RAB7A: variants seen among roughly 807,000 people sequenced by gnomAD.
The protein encoded by RAB7A is RAB7A, member RAS oncogene family, also known as ras-related protein Rab-7a.
RAB7A carries 2 observed loss-of-function variants against 24.5 expected under a neutral mutation model. The observed-to-expected ratio is 0.08, with a 90% CI of 0.03 to 0.26. RAB7A has a LOEUF of 0.26. Among genes scored for constraint, RAB7A ranks in the 10% least tolerant of loss-of-function variants. The pLI, the probability that RAB7A is intolerant of heterozygous loss-of-function variation, is 1.00. For synonymous variants in RAB7A, 100 were observed against 95.9 expected (o/e 1.04, Z -0.25); for missense variants, 118 against 255.7 (o/e 0.46, Z 3.67).
At chr3:128,788,578 C>G (rs1933389071) in intron 1 of RAB7A, among the ~76,000 whole-genome samples, 1 of 152,182 alleles carries the variant, frequency 6.6e-6, no homozygotes, top group African/African-American at 2.4e-5. Context: ...GCCTACCCCC[C>G]ATGGATAAGT....
At chr3:128,789,859 C>T (rs1210677003) in intron 1 of RAB7A, among the ~76,000 whole-genome samples, 1 of 146,264 alleles carries the variant, frequency 6.8e-6, no homozygotes, top group Non-Finnish European at 1.5e-5. Flanking sequence ...GGTGTGATCT[C>T]GGCTCACTGC....
chr3:128,767,403 C>T (rs937845889), intron 1 of RAB7A, among the ~76,000 whole-genome samples: 1 of 152,202 alleles, frequency 6.6e-6, no homozygotes, highest in East Asian at 1.9e-4. Flanking sequence ...GCCCAAGGAG[C>T]TTTGGCTTTC....
intron 1 of RAB7A, among the ~76,000 whole-genome samples, chr3:128,758,175 G>A (rs1309582389): frequency 6.6e-6 from 1 of 151,728 alleles, no homozygotes; most frequent in Non-Finnish European, 1.5e-5. Flanking sequence ...TATTGGTTAG[G>A]CTGGATTTGA....
chr3:128,762,669 C>T (rs964355401), intron 1 of RAB7A, among the ~76,000 whole-genome samples: 1 of 152,122 alleles, frequency 6.6e-6, no homozygotes, highest in African/African-American at 2.4e-5. Context: ...TTGAAGTTAC[C>T]TGGACCCCAC....
In RAB7A at chr3:128,744,003, G is replaced by A. The variant is rs977041015; in HGVS notation, c.-9+17644G>A. Among the ~76,000 whole-genome samples, 16 of 151,848 alleles carry A rather than the reference G, an allele frequency of 1.1e-4. 1 individual carries two copies. Among genetic ancestry groups the A allele is most frequent in the Admixed American group, 3.3e-4 (5 of 15,242 alleles). On this transcript the variant is annotated intron_variant, in intron 1 of 5. Transcript: ENST00000265062. ...GGGGTTTCACCATGTTGGCCAGGCT[G>A]GTATTGAATTCCTGACCTCAGATGA...
intron 1 of RAB7A, among the ~76,000 whole-genome samples, chr3:128,740,563 A>G (rs879368921): frequency 2.6e-5 from 4 of 151,952 alleles, no homozygotes; most frequent in Non-Finnish European, 4.4e-5. Context: ...CAGTTTAATG[A>G]ATGGGAAAAA....
chr3:128,810,915 G>A (rs563310067), intron 5 of RAB7A, among the ~76,000 whole-genome samples: 23 of 152,210 alleles, frequency 1.5e-4, no homozygotes, highest in South Asian at 8.3e-4. Flanking sequence ...ATTAGCTGGC[G>A]TGGTGGTGGG....
chr3:128,813,212 C>G, intron 5 of RAB7A, 115 bp from the exon 6 acceptor site: 2 of 978,476 alleles, frequency 2.0e-6, no homozygotes, highest in East Asian at 2.4e-5. Context: ...TTCACAGCTC[C>G]CCGCCCACTC....
At chr3:128,737,825 G>GTTT (rs56027163) in intron 1 of RAB7A, among the ~76,000 whole-genome samples, 4,564 of 59,184 alleles carry the variant, frequency 0.077, 744 homozygotes, top group East Asian at 0.15. Context: ...TTTTTTTGTA[G>GTTT]TTTTTTTTTT....
chr3:128,743,368 C>T (rs2070575637), intron 1 of RAB7A, among the ~76,000 whole-genome samples: 1 of 152,220 alleles, frequency 6.6e-6, no homozygotes, highest in Non-Finnish European at 1.5e-5. Flanking sequence ...GAGAGGGGCT[C>T]CCACAGTACA....
chr3:128,755,844 T>TTTCTATAACATTAACAACGG, intron 1 of RAB7A, among the ~76,000 whole-genome samples: 1 of 152,216 alleles, frequency 6.6e-6, no homozygotes, highest in African/African-American at 2.4e-5. Context: ...TGTATACATG[T>TTTCTATAACATTAACAACGG]GCCATGCTGG....
chr3:128,797,459 A>C (rs1211256127), intron 2 of RAB7A, among the ~76,000 whole-genome samples: 1 of 152,184 alleles, frequency 6.6e-6, no homozygotes, highest in Non-Finnish European at 1.5e-5. Flanking sequence ...CAGATTTTAA[A>C]CTTTAAAGCA....
intron 1 of RAB7A, among the ~76,000 whole-genome samples, chr3:128,763,208 A>ATATATATATATATATATT (rs373993932): frequency 3.9e-5 from 3 of 76,060 alleles, no homozygotes; most frequent in African/African-American, 2.4e-4. Context: ...ATATATATAT[A>ATATATATATATATATATT]TTTTTTTTTT....
chr3:128,750,262 T>C (rs559458312), intron 1 of RAB7A, among the ~76,000 whole-genome samples: 2 of 152,206 alleles, frequency 1.3e-5, no homozygotes, highest in East Asian at 1.9e-4. Flanking sequence ...GAGGAAGAAA[T>C]TTCTTTTTCT....
intron 1 of RAB7A, among the ~76,000 whole-genome samples, chr3:128,783,949 T>C (rs1483860082): frequency 2.0e-5 from 3 of 152,196 alleles, no homozygotes; most frequent in African/African-American, 4.8e-5. Flanking sequence ...TGCTGTACTT[T>C]GCCATGATTA....
In RAB7A at chr3:128,813,587, A is replaced by T. The variant is rs886057942; in HGVS notation, c.*165A>T. The T allele has an allele frequency of 2.0e-4, 101 of 501,564 alleles. 1 individual carries two copies. The highest frequency in any genetic ancestry group is 4.6e-4 in the Admixed American group (18 of 39,272). The allele number at this position is 501,564 out of a possible 1,614,324, so 31.1% of individuals were successfully genotyped here. On this transcript the variant is annotated 3_prime_UTR_variant, in exon 6 of 6. Coordinates refer to ENST00000265062, the MANE Select transcript of RAB7A (RefSeq NM_004637.6). ...CACAGTTACACCCCACATATCTCTCACACACACACACACACGCACACACAC... is the reference window on the plus strand; with the variant it reads ...CACAGTTACACCCCACATATCTCTCTCACACACACACACACGCACACACAC...
chr3:128,756,587 A>G (rs115300833), intron 1 of RAB7A, among the ~76,000 whole-genome samples: 3,218 of 152,298 alleles, frequency 0.021, 53 homozygotes, highest in Admixed American at 0.032. Flanking sequence ...TACTCCCCAA[A>G]GTAAGAAATG....
Position 128,806,585 on chromosome 3 carries a change from A to AGAC in RAB7A, c.395_397dup (p.Arg132dup). 1 of 1,612,800 alleles carries AGAC rather than the reference A, an allele frequency of 6.2e-7. No homozygotes were observed. The highest frequency in any genetic ancestry group is 8.5e-7 in the Non-Finnish European group (1 of 1,178,774). On this transcript the variant is annotated inframe_insertion, in exon 4 of 6. Coordinates refer to ENST00000265062, the MANE Select transcript of RAB7A (RefSeq NM_004637.6). ...GGGAAACAAGATTGACCTCGAAAAC[A>AGAC]GACAAGTAAGTACCAACGATGATAG... is the stretch of plus-strand genomic sequence containing the variant.
intron 1 of RAB7A, among the ~76,000 whole-genome samples, chr3:128,748,381 G>A (rs2070641284): frequency 6.6e-6 from 1 of 152,208 alleles, no homozygotes; most frequent in South Asian, 2.1e-4. Flanking sequence ...ACTTTTAGAA[G>A]TAACCAAGGT....
Sources: allele counts gnomAD v4.1 joint callset (sites outside exome capture counted in the v4.1 genomes callset), GRCh38; gene constraint gnomAD v4.1.1; transcripts MANE v1.5; gene names NCBI Gene and HGNC (gene_info 2026-07-23, HGNC 2026-07-21).